The following NPAS3 variants were observed in gnomAD, a reference collection of about 807,000 sequenced individuals.
NPAS3 encodes neuronal PAS domain-containing protein 3.
In NPAS3, 14 loss-of-function variants were observed where a neutral mutation model predicts 73.1. That is an observed-to-expected ratio of 0.19 (90% confidence interval 0.13 to 0.30). NPAS3 has a LOEUF of 0.30. Ranked by LOEUF, NPAS3 falls within the 10% of genes least tolerant of loss-of-function variation. NPAS3 has a pLI of 1.00. For synonymous variants in NPAS3, 620 were observed against 541.5 expected (o/e 1.14, Z -2.01); for missense variants, 1,096 against 1,250.0 (o/e 0.88, Z 1.86).
At chr14:32,981,433 G>A (rs2037892833) in intron 1 of NPAS3, among the ~76,000 whole-genome samples, 1 of 152,132 alleles carries the variant, frequency 6.6e-6, no homozygotes, top group African/African-American at 2.4e-5. Flanking sequence ...ATCTACCTCT[G>A]GAGTAAAATA....
At chr14:33,567,951 T>A (rs1359475792) in intron 5 of NPAS3, among the ~76,000 whole-genome samples, 1 of 152,222 alleles carries the variant, frequency 6.6e-6, no homozygotes, top group South Asian at 2.1e-4. Flanking sequence ...AGCGAGCTGT[T>A]CTTGTTAGAC....
At chr14:33,318,343 A>G (rs2140226109) in intron 3 of NPAS3, among the ~76,000 whole-genome samples, 2 of 152,226 alleles carry the variant, frequency 1.3e-5, no homozygotes, top group South Asian at 4.1e-4. Flanking sequence ...AACTGAGGGT[A>G]GCGAGGAATG....
At chr14:33,585,602 T>G (rs904911343) in intron 5 of NPAS3, among the ~76,000 whole-genome samples, 1 of 152,184 alleles carries the variant, frequency 6.6e-6, no homozygotes, top group Non-Finnish European at 1.5e-5. Flanking sequence ...AAACCCACCA[T>G]GTAAGAGAAA....
chr14:33,762,558 G>T (rs2062327524), intron 7 of NPAS3, among the ~76,000 whole-genome samples: 1 of 152,078 alleles, frequency 6.6e-6, no homozygotes, highest in Non-Finnish European at 1.5e-5. Context: ...GTGCATCTTT[G>T]TTTGGGGGCT....
At chr14:33,738,315 T>A (rs1273438408) in intron 7 of NPAS3, among the ~76,000 whole-genome samples, 1 of 152,178 alleles carries the variant, frequency 6.6e-6, no homozygotes, top group Non-Finnish European at 1.5e-5. Context: ...TCTGCTTCAC[T>A]GCTTAAAGGA....
intron 1 of NPAS3, among the ~76,000 whole-genome samples, chr14:33,036,349 A>C (rs1336660113): frequency 6.6e-6 from 1 of 152,110 alleles, no homozygotes; most frequent in Non-Finnish European, 1.5e-5. Flanking sequence ...GAGAACAGTG[A>C]TTAAGGTGAT....
At chr14:33,540,847 C>T (rs1173898559) in intron 4 of NPAS3, among the ~76,000 whole-genome samples, 3 of 152,098 alleles carry the variant, frequency 2.0e-5, no homozygotes, top group African/African-American at 4.8e-5. Context: ...TGACAGGTAG[C>T]GGACACCACT....
chr14:33,638,433 T>A (rs1019704121), intron 5 of NPAS3, among the ~76,000 whole-genome samples: 6 of 152,228 alleles, frequency 3.9e-5, no homozygotes, highest in Non-Finnish European at 7.3e-5. Flanking sequence ...CTACGTGATG[T>A]TGGATAAACT....
chr14:33,055,003 A>T (rs2040839378), intron 1 of NPAS3, among the ~76,000 whole-genome samples: 1 of 152,196 alleles, frequency 6.6e-6, no homozygotes, highest in Non-Finnish European at 1.5e-5. Flanking sequence ...TAGGGATTAG[A>T]CATTATACTT....
At chr14:33,281,407 G>A (rs1335029975) in intron 3 of NPAS3, among the ~76,000 whole-genome samples, 1 of 152,148 alleles carries the variant, frequency 6.6e-6, no homozygotes, top group Admixed American at 6.5e-5. Context: ...AAGGCAGGTG[G>A]ATCACTTAAG....
chr14:33,676,170 A>ATATAATGTCTTTCCTTC (rs1287858393), intron 5 of NPAS3, 41 bp from the exon 6 acceptor site: 25 of 1,602,486 alleles, frequency 1.6e-5, no homozygotes, highest in Non-Finnish European at 2.0e-5. Context: ...GGAGAAGCCT[A>ATATAATGTCTTTCCTTC]TATAATGTCT....
intron 1 of NPAS3, among the ~76,000 whole-genome samples, chr14:33,005,245 G>A (rs1490516820): frequency 1.3e-5 from 2 of 152,162 alleles, no homozygotes; most frequent in Non-Finnish European, 2.9e-5. Context: ...CCACAAACAT[G>A]TGAGTAACAT....
At chr14:33,291,114 G>A (rs1267894901) in intron 3 of NPAS3, among the ~76,000 whole-genome samples, 1 of 152,052 alleles carries the variant, frequency 6.6e-6, no homozygotes, top group African/African-American at 2.4e-5. Context: ...ATTTTGAATT[G>A]TAGGTTCAAT....
At chr14:33,066,902 A>T (rs2138617333) in intron 2 of NPAS3, among the ~76,000 whole-genome samples, 1 of 152,342 alleles carries the variant, frequency 6.6e-6, no homozygotes, top group Middle Eastern at 3.4e-3. Context: ...AGTAATTGAT[A>T]CGGCTGAAAT....
At chr14:33,675,644 G>A (rs1477923220) in intron 5 of NPAS3, among the ~76,000 whole-genome samples, 1 of 152,162 alleles carries the variant, frequency 6.6e-6, no homozygotes, top group African/African-American at 2.4e-5. Flanking sequence ...GAGCTAATGA[G>A]TAATTTTTAA....
chr14:33,265,574 T>C (rs181475565), intron 3 of NPAS3, among the ~76,000 whole-genome samples: 1 of 152,332 alleles, frequency 6.6e-6, no homozygotes, highest in African/African-American at 2.4e-5. Flanking sequence ...TCTTATGGGC[T>C]GTACATGTGT....
chr14:33,655,484 A>T (rs905667261), intron 5 of NPAS3, among the ~76,000 whole-genome samples: 4 of 152,150 alleles, frequency 2.6e-5, no homozygotes, highest in Non-Finnish European at 5.9e-5. Context: ...ATAAAAACTT[A>T]ACAGCACTTT....
chr14:33,590,235 T>C (rs2057015158), intron 5 of NPAS3, among the ~76,000 whole-genome samples: 1 of 152,230 alleles, frequency 6.6e-6, no homozygotes, highest in Non-Finnish European at 1.5e-5. Context: ...CAGGAAGTTT[T>C]CTAATCCTGG....
chr14:33,423,123 C>T (rs954606623), intron 4 of NPAS3, among the ~76,000 whole-genome samples: 9 of 152,028 alleles, frequency 5.9e-5, no homozygotes, highest in Non-Finnish European at 1.0e-4. Context: ...ATTTTGAAGG[C>T]AGGTCGGAAT....
Sources: gnomAD v4.1 joint callset for allele counts (sites outside exome capture counted in the v4.1 genomes callset) on GRCh38, gnomAD v4.1.1 for gene constraint, MANE v1.5 for transcripts, NCBI Gene and HGNC (gene_info 2026-07-23, HGNC 2026-07-21) for gene names.